Variants in LRRFIP2 observed in about 807,000 individuals in gnomAD.
LRRFIP2 encodes the protein leucine-rich repeat flightless-interacting protein 2.
LRRFIP2 carries 109 observed loss-of-function variants against 125.9 expected under a neutral mutation model. The ratio of observed to expected loss-of-function variants is 0.87; its 90% CI spans 0.74 to 1.01. The LOEUF (loss-of-function observed/expected upper bound fraction) is 1.01, where lower values mean the gene tolerates loss of function less well. LRRFIP2 is among the 50% of genes least tolerant of loss of function. LRRFIP2 has a pLI of 0.00. For synonymous variants in LRRFIP2, 291 were observed against 293.1 expected, an observed-to-expected ratio of 0.99 and a Z score of 0.07; for missense variants, 850 against 862.3, an observed-to-expected ratio of 0.99 and a Z score of 0.18.
chr3:37,155,615 G>A (rs565560479), intron 1 of LRRFIP2, among the ~76,000 whole-genome samples: 51 of 152,184 alleles, frequency 3.4e-4, no homozygotes, highest in Non-Finnish European at 6.6e-4. Flanking sequence ...CAAGTGACTT[G>A]AAACAGAAGA....
At chr3:37,136,198 T>C (rs775015614) in intron 2 of LRRFIP2, among the ~76,000 whole-genome samples, 2 of 152,156 alleles carry the variant, frequency 1.3e-5, no homozygotes, top group Non-Finnish European at 2.9e-5. Context: ...AGGTCACATA[T>C]TGCATGATTC....
chr3:37,118,790 T>C (rs1047720019), intron 6 of LRRFIP2, among the ~76,000 whole-genome samples: 7 of 152,220 alleles, frequency 4.6e-5, no homozygotes, highest in Non-Finnish European at 7.3e-5. Context: ...AAATACTACG[T>C]TCAAAAAGTA....
At chr3:37,078,485 C>T (rs1269126748) in intron 19 of LRRFIP2, among the ~76,000 whole-genome samples, 1 of 152,100 alleles carries the variant, frequency 6.6e-6, no homozygotes, top group East Asian at 1.9e-4. Context: ...ACTTTGAGAA[C>T]TAGGAATTGT....
intron 24 of LRRFIP2, among the ~76,000 whole-genome samples, chr3:37,059,928 T>C (rs1427409782): frequency 6.6e-6 from 1 of 152,044 alleles, no homozygotes; most frequent in Non-Finnish European, 1.5e-5. Flanking sequence ...AAGGGTAAGC[T>C]CTATATTGGG....
chr3:37,134,762 C>A, intron 2 of LRRFIP2: 1 of 791,118 alleles, frequency 1.3e-6, no homozygotes. Flanking sequence ...ATTGGCAAGC[C>A]ACAATTATGG....
rs187334965 is a variant in LRRFIP2, at chr3:37,085,349, C to A, written c.1108-1543G>T. 2.0e-3 allele frequency among the ~76,000 whole-genome samples: 306 copies of A among 151,892 alleles called. 1 individual carries two copies. Among genetic ancestry groups the A allele is most frequent in the Admixed American group, 4.1e-3 (63 of 15,262 alleles). On this transcript the variant is annotated intron_variant, in intron 18 of 27. Coordinates refer to ENST00000336686, the MANE Select transcript of LRRFIP2 (RefSeq NM_006309.4). ...ACATGGTAAAACCCTAAAACCCTAT[C>A]TCTTGTACCAAAAATACAAAAATTA...
chr3:37,101,256 C>T (rs1310185333), intron 15 of LRRFIP2, among the ~76,000 whole-genome samples: 5 of 151,624 alleles, frequency 3.3e-5, no homozygotes, highest in African/African-American at 7.3e-5. Flanking sequence ...ACTCGGGAGG[C>T]TGAGGCAGGA....
At chr3:37,091,254 C>A (rs1319269524) in intron 18 of LRRFIP2, among the ~76,000 whole-genome samples, 1 of 151,996 alleles carries the variant, frequency 6.6e-6, no homozygotes, top group Admixed American at 6.6e-5. Flanking sequence ...TAAATGATAT[C>A]TTCTGCGGAA....
chr3:37,127,108 C>G lies in LRRFIP2; in HGVS notation c.228+522G>C, dbSNP rs188371202. On this transcript the variant is annotated intron_variant, in intron 4 of 27. Coordinates refer to ENST00000336686, the MANE Select transcript of LRRFIP2 (RefSeq NM_006309.4). Reference sequence around the variant, plus strand: ...TAATAGGAGACAGTGGGGAACTTACCAAGCCTAAAAAAAAGTTCAAATTTA... The same window carrying G: ...TAATAGGAGACAGTGGGGAACTTACGAAGCCTAAAAAAAAGTTCAAATTTA... Among the ~76,000 whole-genome samples, 44 of 149,982 alleles carry G rather than the reference C, an allele frequency of 2.9e-4. No individual in the cohort carries two copies. In the East Asian group the frequency reaches 8.6e-3, roughly 29 times the overall value.
At chr3:37,149,557 T>C (rs910503519) in intron 1 of LRRFIP2, among the ~76,000 whole-genome samples, 3 of 152,306 alleles carry the variant, frequency 2.0e-5, no homozygotes, top group African/African-American at 7.2e-5. Context: ...TAGTTATTTC[T>C]AAAACCAATT....
chr3:37,072,721 T>A, intron 21 of LRRFIP2, 69 bp downstream of exon 21: 1 of 913,346 alleles, frequency 1.1e-6, no homozygotes, highest in Non-Finnish European at 1.7e-6. Context: ...GTTTTTTCAA[T>A]CTCTAGGTTA....
At position 37,066,228 on chromosome 3, in the gene LRRFIP2, C is replaced by T; in HGVS notation, c.1562G>A (p.Gly521Glu). ...TCCAGGCTAATGCTAACATACCTCTCCCGTCTTCACTGTCTCCTGCAGGTC... is the reference window on the plus strand; with the variant it reads ...TCCAGGCTAATGCTAACATACCTCTTCCGTCTTCACTGTCTCCTGCAGGTC... ...LADLQETVKT[G>E]EKHGLVIIPD... The change falls in exon 22 of 28, where the codon GGA becomes GAA. Residue 521 changes from glycine to glutamate, a missense_variant. Coordinates refer to ENST00000336686, the MANE Select transcript of LRRFIP2 (RefSeq NM_006309.4). 6.2e-7 allele frequency: 1 copy of T among 1,613,508 alleles called. No individual in the cohort carries two copies. The highest frequency in any genetic ancestry group is 2.2e-5 in the East Asian group (1 of 44,890).
At position 37,096,610 on chromosome 3, in the gene LRRFIP2, A is replaced by G; in HGVS notation, c.918+6T>C. On this transcript the variant is annotated splice_donor_region_variant and intron_variant, in intron 16 of 27. Coordinates refer to ENST00000336686, the MANE Select transcript of LRRFIP2 (RefSeq NM_006309.4). ...GAGAATTTCCCTTAGGAATTTACAT[A>G]CTCACTCTTGTATAATTTTCAGCAT... is the stretch of plus-strand genomic sequence containing the variant. The G allele has an allele frequency of 6.5e-7, 1 of 1,531,122 alleles. No individual in the cohort carries two copies. Among genetic ancestry groups the G allele is most frequent in the South Asian group, 1.2e-5 (1 of 85,920 alleles). The allele number at this position is 1,531,122 out of a possible 1,614,324, so 94.8% of individuals were successfully genotyped here.
At chr3:37,095,642 A>T (rs1160079489) in intron 16 of LRRFIP2, among the ~76,000 whole-genome samples, 1 of 152,042 alleles carries the variant, frequency 6.6e-6, no homozygotes, top group African/African-American at 2.4e-5. Flanking sequence ...TATTATTTTT[A>T]TTATTTTTTT....
At chr3:37,086,396 A>G (rs1436594951) in intron 18 of LRRFIP2, among the ~76,000 whole-genome samples, 1 of 152,250 alleles carries the variant, frequency 6.6e-6, no homozygotes, top group Non-Finnish European at 1.5e-5. Context: ...AATTGAAAAG[A>G]TATGTCTACA....
Position 37,091,540 on chromosome 3 carries a change from T to G in LRRFIP2, c.1036-2A>C. On this transcript the variant is annotated splice_acceptor_variant, in intron 17 of 27. Transcript: ENST00000336686. LOFTEE classifies it high-confidence loss of function. ...CTGGTCCTTAAGGTCATAGATATCC[T>G]GCAGGACATAGGAATGAACCATTGC... is the stretch of plus-strand genomic sequence containing the variant. 1 of 1,604,708 alleles carries G rather than the reference T, an allele frequency of 6.2e-7. No homozygotes were observed. The highest frequency in any genetic ancestry group is 8.5e-7 in the Non-Finnish European group (1 of 1,174,874).
At chr3:37,108,730 GT>G (rs2094441514) in intron 11 of LRRFIP2, 46 bp from the exon 12 acceptor site, 4 of 1,515,512 alleles carry the variant, frequency 2.6e-6, no homozygotes, top group Non-Finnish European at 2.7e-6. Context: ...CTTCAAGGTT[GT>G]TTTGAAAATG....
At position 37,053,989 on chromosome 3, in the gene LRRFIP2, C is replaced by T. The variant is rs2086072973; in HGVS notation, c.2056-28G>A. ...GGAGACAGGGAGAATGCAGTCACTA[C>T]ATGTGGTCAGAAACAACATCCAGTG... On this transcript the variant is annotated intron_variant, in intron 27 of 27. Transcript: ENST00000336686. 2.3e-6 allele frequency: 3 copies of T among 1,321,452 alleles called. No individual in the cohort carries two copies. In the East Asian group the frequency reaches 6.9e-5, roughly 30 times the overall value. The allele number at this position is 1,321,452 out of a possible 1,614,324, so 81.9% of individuals were successfully genotyped here. A position where few individuals can be genotyped will look rare whatever the true frequency, so the allele number is the denominator to read the frequency against.
intron 14 of LRRFIP2, among the ~76,000 whole-genome samples, chr3:37,103,305 A>G (rs2094166841): frequency 6.6e-6 from 1 of 152,206 alleles, no homozygotes; most frequent in African/African-American, 2.4e-5. Flanking sequence ...CATGTTTAAG[A>G]TATTTATCAC....
Sources: gnomAD v4.1 joint callset for allele counts (sites outside exome capture counted in the v4.1 genomes callset) on GRCh38, gnomAD v4.1.1 for gene constraint, MANE v1.5 for transcripts, NCBI Gene and HGNC (gene_info 2026-07-23, HGNC 2026-07-21) for gene names.